The following CHSY3 variants were observed in gnomAD, a reference collection of about 807,000 sequenced individuals.
CHSY3 encodes the protein N-acetylgalactosaminyl-proteoglycan 3-beta-glucuronosyltransferase 3.
Under a neutral mutation model 67.2 loss-of-function variants are expected in CHSY3, and 35 were observed. That is an observed-to-expected ratio of 0.52 (90% CI 0.40 to 0.69). The LOEUF (loss-of-function observed/expected upper bound fraction) is 0.69. Among genes scored for constraint, CHSY3 ranks in the 30% least tolerant of loss-of-function variants. The probability of loss-of-function intolerance (pLI) is 0.00; values close to 1 mark genes in which losing one functional copy is unlikely to be tolerated. For missense variants in CHSY3, 1,069 were observed against 1,138.5 expected (o/e 0.94, Z 0.88); for synonymous variants, 474 against 434.7 (o/e 1.09, Z -1.12).
intron 2 of CHSY3, among the ~76,000 whole-genome samples, chr5:130,132,691 C>T (rs150949807): frequency 6.6e-6 from 1 of 152,276 alleles, no homozygotes; most frequent in East Asian, 1.9e-4. Context: ...TTTTGTCTCC[C>T]ACCCAGGAGA....
intron 2 of CHSY3, among the ~76,000 whole-genome samples, chr5:130,070,055 G>A (rs115034610): frequency 0.012 from 1,848 of 151,968 alleles, 37 homozygotes; most frequent in African/African-American, 0.042. Flanking sequence ...TAGAAACACA[G>A]AAAAGATCAC....
At chr5:130,140,511 A>C in intron 2 of CHSY3, 1 of 857,180 alleles carries the variant, frequency 1.2e-6, no homozygotes. Context: ...ATGCTGGAAC[A>C]ATTGTTAGTC....
chr5:130,097,011 G>A (rs1767071212), intron 2 of CHSY3, among the ~76,000 whole-genome samples: 1 of 152,128 alleles, frequency 6.6e-6, no homozygotes, highest in African/African-American at 2.4e-5. Flanking sequence ...CTGCTTCCAA[G>A]TGTCTAATTT....
At chr5:130,170,307 G>A (rs949201994) in intron 2 of CHSY3, among the ~76,000 whole-genome samples, 8 of 152,044 alleles carry the variant, frequency 5.3e-5, no homozygotes, top group South Asian at 2.1e-4. Context: ...TGCTGCAAAG[G>A]ACATGATTTC....
intron 2 of CHSY3, among the ~76,000 whole-genome samples, chr5:129,945,401 A>G (rs2149597309): frequency 6.6e-6 from 1 of 152,344 alleles, no homozygotes; most frequent in African/African-American, 2.4e-5. Context: ...TGTGAGAGAA[A>G]AACATTGTAA....
intron 2 of CHSY3, among the ~76,000 whole-genome samples, chr5:130,081,585 A>T (rs550828231): frequency 2.0e-5 from 3 of 152,102 alleles, no homozygotes; most frequent in Admixed American, 1.3e-4. Flanking sequence ...TAATACCCAC[A>T]TGTTGTGGGA....
intron 2 of CHSY3, among the ~76,000 whole-genome samples, chr5:130,180,119 C>A (rs903013060): frequency 6.6e-6 from 1 of 152,102 alleles, no homozygotes; most frequent in Non-Finnish European, 1.5e-5. Flanking sequence ...TTTCTTGGTG[C>A]TTTCTGAGAT....
At chr5:130,086,731 T>C (rs1004675310) in intron 2 of CHSY3, among the ~76,000 whole-genome samples, 1 of 151,994 alleles carries the variant, frequency 6.6e-6, no homozygotes, top group Non-Finnish European at 1.5e-5. Context: ...ATCAATAGCT[T>C]ACCAACCAAA....
At chr5:130,156,986 T>C (rs1216744692) in intron 2 of CHSY3, among the ~76,000 whole-genome samples, 1 of 152,248 alleles carries the variant, frequency 6.6e-6, no homozygotes, top group African/African-American at 2.4e-5. Flanking sequence ...AAATTCCTTT[T>C]CTAAATCACT....
In CHSY3 at chr5:130,143,794, A is replaced by T. The variant is rs1768972652; in HGVS notation, c.1087-40435A>T. Among the ~76,000 whole-genome samples the T allele has an allele frequency of 4.4e-5, 4 of 90,850 alleles. 1 individual carries two copies. The South Asian group carries it at 1.8e-3, about 40-fold the overall frequency. The allele number at this position is 90,850 out of a possible 152,430, so 59.6% of individuals were successfully genotyped here. A position where few individuals can be genotyped will look rare whatever the true frequency, so the allele number is the denominator to read the frequency against. On this transcript the variant is annotated intron_variant, in intron 2 of 2. Transcript: ENST00000305031. ...TATATATATATATGTGTATATATAT[A>T]TATATATATATGTGTGTATATATAT...
chr5:130,137,175 G>C (rs1224925399), intron 2 of CHSY3, among the ~76,000 whole-genome samples: 1 of 152,144 alleles, frequency 6.6e-6, no homozygotes, highest in Non-Finnish European at 1.5e-5. Context: ...AGATTTCCTA[G>C]ATGTTTTGTA....
At chr5:129,941,546 C>A (rs1382984830) in intron 2 of CHSY3, among the ~76,000 whole-genome samples, 1 of 152,042 alleles carries the variant, frequency 6.6e-6, no homozygotes, top group Admixed American at 6.6e-5. Context: ...TAAAGCAAAG[C>A]CCATTTAAAT....
chr5:129,911,413 G>A (rs982502723), intron 2 of CHSY3, among the ~76,000 whole-genome samples: 1 of 152,112 alleles, frequency 6.6e-6, no homozygotes, highest in African/African-American at 2.4e-5. Flanking sequence ...TCTTTAAGTC[G>A]TGTGTAATTC....
At chr5:129,949,087 C>T (rs1265042234) in intron 2 of CHSY3, among the ~76,000 whole-genome samples, 1 of 152,122 alleles carries the variant, frequency 6.6e-6, no homozygotes, top group Non-Finnish European at 1.5e-5. Flanking sequence ...CAACAGGAAA[C>T]TATCACAGTC....
chr5:130,121,033 A>C (rs1422748025), intron 2 of CHSY3, among the ~76,000 whole-genome samples: 2 of 152,146 alleles, frequency 1.3e-5, no homozygotes, highest in Non-Finnish European at 2.9e-5. Context: ...TGTGTGCCCT[A>C]CTGTTCCGTT....
chr5:129,918,834 G>T (rs1288731666), intron 2 of CHSY3, among the ~76,000 whole-genome samples: 1 of 150,464 alleles, frequency 6.6e-6, no homozygotes, highest in Admixed American at 6.6e-5. Flanking sequence ...TTGGCCGGGC[G>T]CGGTGGCTCA....
intron 2 of CHSY3, among the ~76,000 whole-genome samples, chr5:129,964,987 T>A (rs1016338728): frequency 6.6e-6 from 1 of 151,952 alleles, no homozygotes; most frequent in Non-Finnish European, 1.5e-5. Flanking sequence ...TTGAATCATG[T>A]GTAACTTTTC....
intron 2 of CHSY3, among the ~76,000 whole-genome samples, chr5:130,003,985 T>G (rs565506043): frequency 3.3e-5 from 5 of 152,352 alleles, no homozygotes; most frequent in African/African-American, 1.2e-4. Flanking sequence ...GGATATGCAT[T>G]TTTTGGTTTC....
chr5:130,181,746 T>A (rs1385318702), intron 2 of CHSY3, among the ~76,000 whole-genome samples: 12 of 152,124 alleles, frequency 7.9e-5, no homozygotes, highest in Non-Finnish European at 1.5e-5. Flanking sequence ...ACCATATAGG[T>A]TAGCTTTACC....
Sources: gnomAD v4.1 joint callset for allele counts (sites outside exome capture counted in the v4.1 genomes callset) on GRCh38, gnomAD v4.1.1 for gene constraint, MANE v1.5 for transcripts, NCBI Gene and HGNC (gene_info 2026-07-23, HGNC 2026-07-21) for gene names.